Variants in MPP7 observed in about 807,000 individuals in gnomAD.
The protein encoded by MPP7 is MAGUK p55 subfamily member 7.
Under a neutral mutation model 76.5 loss-of-function variants are expected in MPP7, and 60 were observed. The ratio of observed to expected loss-of-function variants is 0.78; its 90% CI spans 0.64 to 0.97. The LOEUF (loss-of-function observed/expected upper bound fraction) is 0.97. Among genes scored for constraint, MPP7 ranks in the 50% least tolerant of loss-of-function variants. The probability of loss-of-function intolerance (pLI) is 0.00; values close to 1 mark genes in which losing one functional copy is unlikely to be tolerated. For synonymous variants in MPP7, 237 were observed against 244.5 expected (o/e 0.97, Z 0.29); for missense variants, 641 against 694.0 (o/e 0.92, Z 0.86).
upstream of MPP7, among the ~76,000 whole-genome samples, chr10:28,335,115 T>C (rs1144517): frequency 0.62 from 94,581 of 152,162 alleles, 29,511 homozygotes; most frequent in South Asian, 0.72. Flanking sequence ...AGATCTTAGT[T>C]CCTCATGGCA....
intron 1 of MPP7, among the ~76,000 whole-genome samples, chr10:28,257,447 G>A (rs1305842667): frequency 6.6e-6 from 1 of 151,800 alleles, no homozygotes; most frequent in Non-Finnish European, 1.5e-5. Context: ...CCTTTGTAGG[G>A]ACATGGATGA....
In MPP7 at chr10:28,204,862, T is replaced by C. The variant is rs142712097; in HGVS notation, c.38-2591A>G. Among the ~76,000 whole-genome samples the C allele has an allele frequency of 3.0e-3, 463 of 152,354 alleles. 4 individuals carry two copies. The highest frequency in any genetic ancestry group is 0.01 in the African/African-American group (428 of 41,584). ...ACAATAGCTTAGCTGTATATTGCAATTGGATACAATACCATACTCAGAAAT... is the reference window on the plus strand; with the variant it reads ...ACAATAGCTTAGCTGTATATTGCAACTGGATACAATACCATACTCAGAAAT... On this transcript the variant is annotated intron_variant, in intron 2 of 16. Transcript: ENST00000683449.
chr10:28,236,524 G>A (rs2134133231), intron 2 of MPP7: 1 of 152,180 alleles, frequency 6.6e-6, no homozygotes, highest in South Asian at 2.1e-4. Context: ...ATATATGCAA[G>A]TATTGAATGC....
chr10:28,216,311 G>A (rs1838308850), intron 2 of MPP7, among the ~76,000 whole-genome samples: 1 of 152,042 alleles, frequency 6.6e-6, no homozygotes, highest in Non-Finnish European at 1.5e-5. Flanking sequence ...GTGACACCTT[G>A]TCTCAAAAAA....
chr10:28,061,846 A>C (rs10430569), intron 13 of MPP7, among the ~76,000 whole-genome samples: 1 of 124,990 alleles, frequency 8.0e-6, no homozygotes, highest in Non-Finnish European at 1.7e-5. Flanking sequence ...TCACAGATTT[A>C]TTATAAATCA....
chr10:28,099,543 G>A (rs1022730572), intron 11 of MPP7, among the ~76,000 whole-genome samples: 7 of 152,132 alleles, frequency 4.6e-5, no homozygotes, highest in Admixed American at 1.3e-4. Context: ...GGTGGCTCAC[G>A]CCTGTAATCC....
Position 28,317,477 on chromosome 10 carries a change from G to C in MPP7, c.-132+12452C>G, listed in dbSNP as rs183936024. ...GCTCAAGAGTTCGAGGCTGCAGTGA[G>C]CTGTGACCATACCATTGCATCCCAG... is the stretch of plus-strand genomic sequence containing the variant. On this transcript the variant is annotated intron_variant, in intron 2 of 11. Transcript: ENST00000441595. Among the ~76,000 whole-genome samples the C allele has an allele frequency of 1.4e-3, 216 of 152,292 alleles. 3 individuals carry two copies. Among genetic ancestry groups the C allele is most frequent in the Non-Finnish European group, 2.1e-3 (145 of 68,018 alleles).
intron 11 of MPP7, among the ~76,000 whole-genome samples, chr10:28,098,059 TTACA>T (rs1372485525): frequency 6.6e-6 from 1 of 152,292 alleles, no homozygotes; most frequent in Non-Finnish European, 1.5e-5. Context: ...ACCTTAATGC[TTACA>T]TACATAAATT....
At chr10:28,060,846 T>C (rs528589504) in intron 13 of MPP7, among the ~76,000 whole-genome samples, 43 of 152,338 alleles carry the variant, frequency 2.8e-4, no homozygotes, top group Non-Finnish European at 6.3e-4. Flanking sequence ...AAAGGCCTTA[T>C]GAACTGAGAG....
At chr10:28,158,433 G>A (rs113069632) in intron 3 of MPP7, among the ~76,000 whole-genome samples, 22 of 152,250 alleles carry the variant, frequency 1.4e-4, no homozygotes, top group African/African-American at 5.3e-4. Flanking sequence ...CAGCCGGCAG[G>A]GGGGCCCACA....
At chr10:28,108,393 G>A (rs1439518256) in intron 11 of MPP7, among the ~76,000 whole-genome samples, 1 of 152,120 alleles carries the variant, frequency 6.6e-6, no homozygotes, top group Non-Finnish European at 1.5e-5. Flanking sequence ...AGTGGCTCAT[G>A]CCTATAATCT....
At chr10:28,143,418 C>G (rs1340723452) in intron 5 of MPP7, among the ~76,000 whole-genome samples, 1 of 152,098 alleles carries the variant, frequency 6.6e-6, no homozygotes, top group Admixed American at 6.6e-5. Context: ...TCAAGTCACT[C>G]TGCAAAAAGT....
chr10:28,223,068 A>T, intron 2 of MPP7, among the ~76,000 whole-genome samples: 1 of 151,396 alleles, frequency 6.6e-6, no homozygotes, highest in Non-Finnish European at 1.5e-5. Flanking sequence ...CGGGAGGCAG[A>T]GGTTGCAGTG....
intron 1 of MPP7, among the ~76,000 whole-genome samples, chr10:28,259,748 G>C (rs1348625938): frequency 3.3e-5 from 5 of 152,130 alleles, no homozygotes; most frequent in Admixed American, 6.5e-5. Flanking sequence ...GGAGGCTGAG[G>C]TGGGAGAATC....
chr10:28,217,081 G>A (rs932509189), intron 2 of MPP7, among the ~76,000 whole-genome samples: 27 of 152,022 alleles, frequency 1.8e-4, no homozygotes, highest in Non-Finnish European at 3.7e-4. Context: ...CATGCTTGCA[G>A]GTTCCTGTTT....
At chr10:28,244,824 C>T (rs192076576) in intron 1 of MPP7, among the ~76,000 whole-genome samples, 53 of 152,180 alleles carry the variant, frequency 3.5e-4, no homozygotes, top group Admixed American at 6.5e-4. Context: ...TCATCTAGTG[C>T]GGGCTCGGGA....
At chr10:28,273,900 T>C (rs1315043654) in intron 1 of MPP7, among the ~76,000 whole-genome samples, 2 of 151,996 alleles carry the variant, frequency 1.3e-5, no homozygotes, top group Admixed American at 6.6e-5. Flanking sequence ...GAGGCTGAGT[T>C]GAAAGGATTG....
intron 11 of MPP7, among the ~76,000 whole-genome samples, chr10:28,117,007 A>C (rs915923086): frequency 7.9e-5 from 12 of 152,120 alleles, no homozygotes; most frequent in African/African-American, 2.7e-4. Context: ...ATGCAAAGAC[A>C]GTAAGATTGG....
intron 3 of MPP7, among the ~76,000 whole-genome samples, chr10:28,166,840 G>A (rs1022458545): frequency 3.9e-5 from 6 of 152,020 alleles, no homozygotes; most frequent in African/African-American, 1.4e-4. Context: ...TCCAACACTT[G>A]CTTTTTTCCC....
Sources: allele counts gnomAD v4.1 joint callset (sites outside exome capture counted in the v4.1 genomes callset), GRCh38; gene constraint gnomAD v4.1.1; transcripts MANE v1.5; gene names NCBI Gene and HGNC (gene_info 2026-07-23, HGNC 2026-07-21).